The following FMNL3 variants were observed in gnomAD, a reference collection of about 807,000 sequenced individuals.
FMNL3 encodes the protein formin like 3.
FMNL3 carries 57 observed loss-of-function variants against 119.6 expected under a neutral mutation model. The observed-to-expected ratio is 0.48, with a 90% CI of 0.39 to 0.59. The LOEUF (loss-of-function observed/expected upper bound fraction) is 0.59. Ranked by LOEUF, FMNL3 falls within the 20% of genes least tolerant of loss-of-function variation. FMNL3 has a pLI of 0.00. For missense variants in FMNL3, 1,053 were observed against 1,323.5 expected (o/e 0.80, Z 3.17); for synonymous variants, 491 against 507.3 (o/e 0.97, Z 0.43).
intron 6 of FMNL3, 95 bp downstream of exon 6, chr12:49,658,347 A>G: frequency 6.8e-7 from 1 of 1,462,546 alleles, no homozygotes; most frequent in Non-Finnish European, 9.0e-7. Context: ...TGGAAGCAAG[A>G]GTGGAGGGAG....
Position 49,636,986 on chromosome 12 carries a change from C to A in FMNL3, c.*8829G>T. Reference sequence around the variant, plus strand: ...CCTGTCCAAGCTCTATGAGACCTCTCTCTGCCTGCAGTCTGTTTCTGCTGT... The same window carrying A: ...CCTGTCCAAGCTCTATGAGACCTCTATCTGCCTGCAGTCTGTTTCTGCTGT... On this transcript the variant is annotated 3_prime_UTR_variant, in exon 26 of 26. Transcript: ENST00000335154. 1 of 1,283,908 alleles carries A rather than the reference C, an allele frequency of 7.8e-7. No individual in the cohort carries two copies. The highest frequency in any genetic ancestry group is 1.4e-5 in the South Asian group (1 of 72,226). 79.5% of individuals were successfully genotyped at this position (1,283,908 alleles called of 1,614,324 possible). A position where few individuals can be genotyped will look rare whatever the true frequency, so the allele number is the denominator to read the frequency against.
intron 1 of FMNL3, among the ~76,000 whole-genome samples, chr12:49,676,516 G>T (rs1944190734): frequency 2.2e-5 from 3 of 133,560 alleles, no homozygotes; most frequent in African/African-American, 3.1e-5. Flanking sequence ...ATGTTTCATA[G>T]TGGGTTTTTT....
intron 1 of FMNL3, among the ~76,000 whole-genome samples, chr12:49,698,992 C>T (rs1426673394): frequency 6.6e-6 from 1 of 152,128 alleles, no homozygotes; most frequent in Admixed American, 6.5e-5. Context: ...CAGGACCGTC[C>T]CCTCCTCTAT....
At chr12:49,678,780 A>G (rs937979723) in intron 1 of FMNL3, among the ~76,000 whole-genome samples, 1 of 152,210 alleles carries the variant, frequency 6.6e-6, no homozygotes, top group Non-Finnish European at 1.5e-5. Flanking sequence ...AGTCTTAAAC[A>G]TCAAGCGGGA....
At position 49,640,449 on chromosome 12, in the gene FMNL3, A is replaced by T. The variant is rs1000450063; in HGVS notation, c.*5366T>A. 2 of 150,462 alleles carry T rather than the reference A, an allele frequency of 1.3e-5. No individual in the cohort carries two copies. Among genetic ancestry groups the T allele is most frequent in the South Asian group, 2.1e-4 (1 of 4,824 alleles). The allele number at this position is 150,462 out of a possible 1,614,324, so 9.3% of individuals were successfully genotyped here. A position where few individuals can be genotyped will look rare whatever the true frequency, so the allele number is the denominator to read the frequency against. The stretch of plus-strand genomic sequence containing the variant: ...TGACCTGGAGAGGGGAGTGTTGAAG[A>T]AGTAAGTGGTAGAGGCACTGAGGAC... On this transcript the variant is annotated 3_prime_UTR_variant, in exon 26 of 26. Transcript: ENST00000335154.
At chr12:49,655,617 G>T (rs1189340273) in intron 9 of FMNL3, among the ~76,000 whole-genome samples, 1 of 152,128 alleles carries the variant, frequency 6.6e-6, no homozygotes, top group African/African-American at 2.4e-5. Flanking sequence ...AGGGAAAGAA[G>T]GAGGAAGGGA....
chr12:49,654,990 T>C lies in FMNL3; in HGVS notation c.886-6A>G, dbSNP rs1191969804. The C allele has an allele frequency of 6.2e-7, 1 of 1,613,652 alleles. No individual in the cohort carries two copies. Among genetic ancestry groups the C allele is most frequent in the Admixed American group, 1.7e-5 (1 of 59,980 alleles). On this transcript the variant is annotated splice_polypyrimidine_tract_variant and splice_region_variant and intron_variant, in intron 9 of 25. Transcript: ENST00000335154. ...CGGTGCAGCTCCTTGCATACCTGAA[T>C]GAGCAAACTTTCTCAGTGAAAGGAT...
Position 49,642,256 on chromosome 12 carries a change from C to T in FMNL3, c.*3559G>A, listed in dbSNP as rs373588661. 45 of 1,613,990 alleles carry T rather than the reference C, an allele frequency of 2.8e-5. No homozygotes were observed. The Middle Eastern group carries it at 4.9e-4, about 18-fold the overall frequency. The stretch of plus-strand genomic sequence containing the variant: ...TCAGCTGCTGGAGAAAGCAGAGGCA[C>T]GGGAGAGGGAGCGGGAGAAGGAGGA... On this transcript the variant is annotated 3_prime_UTR_variant, in exon 26 of 26. Coordinates refer to ENST00000335154, the MANE Select transcript of FMNL3 (RefSeq NM_175736.5). The surrounding 1 kb of genome is among the most constrained non-coding windows in gnomAD (Gnocchi z 5.8).
At chr12:49,698,868 T>G (rs1451920112) in intron 1 of FMNL3, among the ~76,000 whole-genome samples, 1 of 152,180 alleles carries the variant, frequency 6.6e-6, no homozygotes, top group Non-Finnish European at 1.5e-5. Context: ...TCAGTTCTAT[T>G]CTGGAATCCA....
rs1431977103 is a variant in FMNL3, at chr12:49,706,954, C to T, written c.126+101G>A. ...GGCCGGGATCCGTTCGGGACCCCGA[C>T]TGAAAGGGTGGGCGGGACGGGGGCC... On this transcript the variant is annotated intron_variant, in intron 1 of 25. Coordinates refer to ENST00000335154, the MANE Select transcript of FMNL3 (RefSeq NM_175736.5). 17 of 1,363,152 alleles carry T rather than the reference C, an allele frequency of 1.2e-5. 1 individual carries two copies. Among genetic ancestry groups the T allele is most frequent in the Admixed American group, 4.5e-5 (2 of 44,776 alleles). The allele number at this position is 1,363,152 out of a possible 1,614,324, so 84.4% of individuals were successfully genotyped here. A position where few individuals can be genotyped will look rare whatever the true frequency, so the allele number is the denominator to read the frequency against.
intron 1 of FMNL3, among the ~76,000 whole-genome samples, chr12:49,698,501 G>A (rs1223376323): frequency 4.1e-5 from 6 of 147,248 alleles, no homozygotes; most frequent in African/African-American, 7.9e-5. Flanking sequence ...AGCTGCAGGA[G>A]GGGAGATACT....
intron 1 of FMNL3, among the ~76,000 whole-genome samples, chr12:49,693,450 T>A (rs1944661952): frequency 6.6e-6 from 1 of 151,774 alleles, no homozygotes; most frequent in Non-Finnish European, 1.5e-5. Flanking sequence ...CCATCTTGGC[T>A]CACTGCAGCC....
At chr12:49,691,237 T>A (rs1425066826) in intron 1 of FMNL3, among the ~76,000 whole-genome samples, 1 of 152,214 alleles carries the variant, frequency 6.6e-6, no homozygotes, top group African/African-American at 2.4e-5. Context: ...GTAAAGTGTT[T>A]TGCATGGTGC....
intron 1 of FMNL3, among the ~76,000 whole-genome samples, chr12:49,676,520 GTTTTT>G (rs58117011): frequency 0.043 from 4,399 of 102,998 alleles, 104 homozygotes; most frequent in African/African-American, 0.11. Context: ...TTCATAGTGG[GTTTTT>G]TTTTTTTTTT....
In FMNL3 at chr12:49,645,780, C is replaced by CT. The variant is rs754378319; in HGVS notation, c.*34dup. ...GTCCACTGGTTGGACTTGTAGGACTCTGAGGGGTGAAGTGCTTCTGCCTCC... is the reference window on the plus strand; with the variant it reads ...GTCCACTGGTTGGACTTGTAGGACTCTTGAGGGGTGAAGTGCTTCTGCCTCC... On this transcript the variant is annotated 3_prime_UTR_variant, in exon 26 of 26. Coordinates refer to ENST00000335154, the MANE Select transcript of FMNL3 (RefSeq NM_175736.5). The CT allele has an allele frequency of 6.4e-6, 10 of 1,571,518 alleles. No homozygotes were observed. In the South Asian group the frequency reaches 1.0e-4, roughly 16 times the overall value.
chr12:49,689,566 T>C (rs989653016), intron 1 of FMNL3, among the ~76,000 whole-genome samples: 5 of 151,976 alleles, frequency 3.3e-5, no homozygotes, highest in South Asian at 2.1e-4. Context: ...CAAGATACCA[T>C]CTCTACAAAA....
chr12:49,697,516 G>A (rs12320895), intron 1 of FMNL3, among the ~76,000 whole-genome samples: 3,386 of 152,190 alleles, frequency 0.022, 133 homozygotes, highest in African/African-American at 0.078. Flanking sequence ...CAAACACAGA[G>A]GGATGTTTAA....
intron 1 of FMNL3, among the ~76,000 whole-genome samples, chr12:49,691,772 G>T (rs1256194293): frequency 2.0e-5 from 3 of 152,008 alleles, no homozygotes; most frequent in Non-Finnish European, 4.4e-5. Context: ...GGTGGCTCAC[G>T]CCTATAATCC....
chr12:49,663,873 T>C (rs1943810367), intron 4 of FMNL3, among the ~76,000 whole-genome samples: 1 of 152,176 alleles, frequency 6.6e-6, no homozygotes, highest in Admixed American at 6.5e-5. Flanking sequence ...TGGCTCCACT[T>C]TGGGATCCTC....
Sources: allele counts gnomAD v4.1 joint callset (sites outside exome capture counted in the v4.1 genomes callset), GRCh38; gene constraint gnomAD v4.1.1; non-coding constraint Gnocchi (gnomAD v3.1); transcripts MANE v1.5; gene names NCBI Gene and HGNC (gene_info 2026-07-23, HGNC 2026-07-21).